TGFB2: variants seen among roughly 807,000 people sequenced by gnomAD.
TGFB2 encodes transforming growth factor beta 2.
In TGFB2, 13 loss-of-function variants were observed where a neutral mutation model predicts 42.7. The observed-to-expected ratio is 0.30, with a 90% CI of 0.20 to 0.48. The LOEUF is 0.48. TGFB2 is among the 20% of genes least tolerant of loss of function. The probability of loss-of-function intolerance (pLI) is 0.99; values close to 1 mark genes in which losing one functional copy is unlikely to be tolerated. For missense variants in TGFB2, 390 were observed against 517.5 expected (o/e 0.75, Z 2.39); for synonymous variants, 193 against 193.6 (o/e 1.00, Z 0.03).
At chr1:218,361,820 T>A (rs1657221223) in intron 1 of TGFB2, among the ~76,000 whole-genome samples, 1 of 152,222 alleles carries the variant, frequency 6.6e-6, no homozygotes, top group South Asian at 2.1e-4. Flanking sequence ...CCTGTAAGAC[T>A]GTGGAGAAGC....
intron 1 of TGFB2, among the ~76,000 whole-genome samples, chr1:218,393,701 A>G (rs1193824369): frequency 6.6e-6 from 1 of 152,178 alleles, no homozygotes; most frequent in African/African-American, 2.4e-5. Context: ...AGAAAAAGAA[A>G]AAAATAAAGT....
chr1:218,395,752 C>G (rs1178318254), intron 1 of TGFB2, among the ~76,000 whole-genome samples: 1 of 151,974 alleles, frequency 6.6e-6, no homozygotes, highest in Non-Finnish European at 1.5e-5. Flanking sequence ...GCTGGGACTA[C>G]AGGCGTCTGC....
intron 6 of TGFB2, among the ~76,000 whole-genome samples, chr1:218,440,081 T>C (rs887753742): frequency 6.6e-5 from 10 of 152,216 alleles, no homozygotes; most frequent in Non-Finnish European, 1.2e-4. Context: ...ACCCCTCTGA[T>C]ACAGAATGGG....
At chr1:218,420,391 G>A (rs549683454) in intron 2 of TGFB2, among the ~76,000 whole-genome samples, 55 of 152,298 alleles carry the variant, frequency 3.6e-4, no homozygotes, top group African/African-American at 1.3e-3. Flanking sequence ...TCTTTTGTGT[G>A]ATTTATACCT....
At chr1:218,350,389 G>A (rs920531577) in intron 1 of TGFB2, among the ~76,000 whole-genome samples, 1 of 151,988 alleles carries the variant, frequency 6.6e-6, no homozygotes, top group Non-Finnish European at 1.5e-5. Context: ...GGGTGCTACC[G>A]GTATTTAGTG....
chr1:218,425,117 A>G (rs759294302), intron 2 of TGFB2, among the ~76,000 whole-genome samples: 1 of 152,234 alleles, frequency 6.6e-6, no homozygotes, highest in Non-Finnish European at 1.5e-5. Context: ...ACTGGTATTA[A>G]GAGGGAAAGA....
At chr1:218,424,947 T>C (rs1659572282) in intron 2 of TGFB2, among the ~76,000 whole-genome samples, 1 of 152,176 alleles carries the variant, frequency 6.6e-6, no homozygotes, top group Admixed American at 6.5e-5. Flanking sequence ...TAAGAAGACA[T>C]TGGAAAGGGT....
At chr1:218,420,835 C>A (rs1659432093) in intron 2 of TGFB2, among the ~76,000 whole-genome samples, 1 of 152,148 alleles carries the variant, frequency 6.6e-6, no homozygotes, top group Non-Finnish European at 1.5e-5. Flanking sequence ...TATCTGAGCT[C>A]CAAAGAGACT....
intron 2 of TGFB2, among the ~76,000 whole-genome samples, chr1:218,429,335 G>C (rs1048103804): frequency 5.9e-5 from 9 of 152,126 alleles, no homozygotes; most frequent in Non-Finnish European, 1.3e-4. Context: ...TTTGTAAGTG[G>C]AATCACAATA....
Position 218,408,448 on chromosome 1 carries a change from T to C in TGFB2, c.510+3116T>C, listed in dbSNP as rs369636432. ...TGGAAGCTTTTAGTTTGGAGAAGCA[T>C]GGGCACGTTCACTGTCACTATACAC... On this transcript the variant is annotated intron_variant, in intron 2 of 6. Coordinates refer to ENST00000366930, the MANE Select transcript of TGFB2 (RefSeq NM_003238.6). Among the ~76,000 whole-genome samples the C allele has an allele frequency of 1.9e-4, 29 of 152,284 alleles. No individual in the cohort carries two copies. In the East Asian group the frequency reaches 4.6e-3, roughly 24 times the overall value.
chr1:218,356,573 A>G (rs112719842), intron 1 of TGFB2, among the ~76,000 whole-genome samples: 13 of 152,330 alleles, frequency 8.5e-5, no homozygotes, highest in African/African-American at 3.1e-4. Context: ...TATGTGTCAC[A>G]TAGTACTTGC....
chr1:218,346,552 C>T lies in TGFB2; in HGVS notation c.-150C>T. On this transcript the variant is annotated 5_prime_UTR_variant, in exon 1 of 7. Coordinates refer to ENST00000366930, the MANE Select transcript of TGFB2 (RefSeq NM_003238.6). The surrounding 1 kb of genome is among the most constrained non-coding windows in gnomAD (Gnocchi z 4.9). ...AAGCAGGATACGTTTTTCTGTTGGGCATTGACTAGATTGTTTGCAAAAGTT... is the reference window on the plus strand; with the variant it reads ...AAGCAGGATACGTTTTTCTGTTGGGTATTGACTAGATTGTTTGCAAAAGTT... 1.6e-6 allele frequency: 1 copy of T among 631,402 alleles called. No homozygotes were observed. The highest frequency in any genetic ancestry group is 2.6e-6 in the Non-Finnish European group (1 of 379,582). The allele number at this position is 631,402 out of a possible 1,614,324, so 39.1% of individuals were successfully genotyped here.
chr1:218,434,555 G>A, intron 4 of TGFB2, 107 bp downstream of exon 4: 2 of 708,986 alleles, frequency 2.8e-6, no homozygotes, highest in Admixed American at 2.7e-5. Context: ...GTAAGGCCTG[G>A]GGAGTTTCAT....
intron 1 of TGFB2, among the ~76,000 whole-genome samples, chr1:218,352,505 T>C (rs1417030044): frequency 6.6e-6 from 1 of 152,210 alleles, no homozygotes; most frequent in African/African-American, 2.4e-5. Flanking sequence ...GATTTAATAA[T>C]ATGTTAGGGG....
In TGFB2 at chr1:218,418,422, C is replaced by T. The variant is rs192759897; in HGVS notation, c.510+13090C>T. On this transcript the variant is annotated intron_variant, in intron 2 of 6. Transcript: ENST00000366930. The stretch of plus-strand genomic sequence containing the variant: ...TATATTTACCCAATGCCTGTACCCC[C>T]GTTGTATCTAGGAAGTAACTAACTT... Among the ~76,000 whole-genome samples the T allele has an allele frequency of 2.3e-3, 353 of 152,320 alleles. 7 individuals carry two copies. Among genetic ancestry groups the T allele is most frequent in the African/African-American group, 6.3e-4 (26 of 41,572 alleles).
chr1:218,395,100 G>A (rs1177446496), intron 1 of TGFB2, among the ~76,000 whole-genome samples: 1 of 152,156 alleles, frequency 6.6e-6, no homozygotes, highest in Non-Finnish European at 1.5e-5. Context: ...TTTCTGGAAA[G>A]GGAAATGAGG....
In TGFB2 at chr1:218,363,422, G is replaced by A; in HGVS notation, c.346+16375G>A. 1 of 1,612,612 alleles carries A rather than the reference G, an allele frequency of 6.2e-7. No individual in the cohort carries two copies. Among genetic ancestry groups the A allele is most frequent in the Non-Finnish European group, 8.5e-7 (1 of 1,178,720 alleles). Reference sequence around the variant, plus strand: ...AGGTGCTCTGTGGGTACCTTGGTGAGTACACTTGTCTGCTTTATTCCTCGT... The same window carrying A: ...AGGTGCTCTGTGGGTACCTTGGTGAATACACTTGTCTGCTTTATTCCTCGT... On this transcript the variant is annotated intron_variant, in intron 1 of 6. Transcript: ENST00000366930.
chr1:218,402,817 A>G (rs928778285), intron 1 of TGFB2, among the ~76,000 whole-genome samples: 1 of 152,186 alleles, frequency 6.6e-6, no homozygotes, highest in Non-Finnish European at 1.5e-5. Context: ...CTGCTGTCTA[A>G]TGCGGAGGCT....
intron 4 of TGFB2, among the ~76,000 whole-genome samples, chr1:218,435,723 A>G (rs1659948433): frequency 6.6e-6 from 1 of 152,172 alleles, no homozygotes; most frequent in Non-Finnish European, 1.5e-5. Context: ...TTCATAACCA[A>G]CAGCCCTGGC....
Sources: gnomAD v4.1 joint callset for allele counts (sites outside exome capture counted in the v4.1 genomes callset) on GRCh38, gnomAD v4.1.1 for gene constraint, Gnocchi (gnomAD v3.1) non-coding constraint, MANE v1.5 for transcripts, NCBI Gene and HGNC (gene_info 2026-07-23, HGNC 2026-07-21) for gene names.